ALK: variants seen among roughly 807,000 people sequenced by gnomAD.
ALK encodes ALK receptor tyrosine kinase, also known as ALK tyrosine kinase receptor.
A neutral mutation model predicts 163.1 loss-of-function variants in ALK; 74 were observed. The ratio of observed to expected loss-of-function variants is 0.45; its 90% confidence interval spans 0.38 to 0.55. The LOEUF (loss-of-function observed/expected upper bound fraction) is 0.55, where lower values mean the gene tolerates loss of function less well. Ranked by LOEUF, ALK falls within the 20% of genes least tolerant of loss-of-function variation. The pLI is 0.00. For missense variants in ALK, 2,063 were observed against 2,105.3 expected (o/e 0.98, Z 0.39); for synonymous variants, 960 against 843.2 (o/e 1.14, Z -2.40).
chr2:29,920,868 A>C lies in ALK; in HGVS notation c.-209T>G. ...CTAAATGAAACAGACCTGGAAGCTC[A>C]GGGGCGAGTCCAGAGACACTCAAGC... is the stretch of plus-strand genomic sequence containing the variant. On this transcript the variant is annotated 5_prime_UTR_variant, in exon 1 of 29. Transcript: ENST00000389048. 1 of 590,592 alleles carries C rather than the reference A, an allele frequency of 1.7e-6. No homozygotes were observed. Among genetic ancestry groups the C allele is most frequent in the Middle Eastern group, 4.6e-4 (1 of 2,196 alleles). 36.6% of individuals were successfully genotyped at this position (590,592 alleles called of 1,614,324 possible).
chr2:29,551,999 C>T (rs4665468), intron 3 of ALK, among the ~76,000 whole-genome samples: 126,797 of 151,624 alleles, frequency 0.84, 53,430 homozygotes, highest in Non-Finnish European at 0.9. Context: ...TCTGTACTCA[C>T]TTAACAATAA....
At chr2:29,514,604 A>G (rs1000344182) in intron 4 of ALK, among the ~76,000 whole-genome samples, 2 of 152,154 alleles carry the variant, frequency 1.3e-5, no homozygotes, top group Admixed American at 1.3e-4. Flanking sequence ...TTGGATGTTT[A>G]TAAGTTTCAA....
chr2:29,364,731 G>T (rs2148288855), intron 5 of ALK, among the ~76,000 whole-genome samples: 3 of 152,268 alleles, frequency 2.0e-5, no homozygotes, highest in Middle Eastern at 6.8e-3. Flanking sequence ...GGGTGACGGA[G>T]CAATCCTTAC....
chr2:29,373,237 A>G (rs1047744984), intron 5 of ALK, among the ~76,000 whole-genome samples: 4 of 152,246 alleles, frequency 2.6e-5, no homozygotes, highest in Non-Finnish European at 5.9e-5. Flanking sequence ...AAATTCATTG[A>G]ACATTTTAAT....
intron 1 of ALK, among the ~76,000 whole-genome samples, chr2:29,804,141 G>A (rs1262668559): frequency 6.6e-6 from 1 of 152,194 alleles, no homozygotes; most frequent in Non-Finnish European, 1.5e-5. Context: ...GCCTATCTGT[G>A]AAGCCCGCAG....
chr2:29,422,403 T>C (rs1295852186), intron 4 of ALK, among the ~76,000 whole-genome samples: 1 of 151,138 alleles, frequency 6.6e-6, no homozygotes, highest in Non-Finnish European at 1.5e-5. Flanking sequence ...TGAAACCTCA[T>C]CCCTGATCCT....
rs768588824 is a variant in ALK at position 29,695,013 on chromosome 2, AC to A, written c.788del (p.Gly263ValfsTer72). ...AGGGGAAGTCAAAGCTGCACTCCAG[AC>A]CTGCAATAATAGCCAAGGGTCAATG... ...FPFLSHRSRY[G>X]LECSFDFPCE... On this transcript the variant is annotated frameshift_variant and splice_region_variant, in exon 3 of 29. Coordinates refer to ENST00000389048, the MANE Select transcript of ALK (RefSeq NM_004304.5). LOFTEE classifies it high-confidence loss of function. 2 of 1,613,914 alleles carry A rather than the reference AC, an allele frequency of 1.2e-6. No homozygotes were observed. The highest frequency in any genetic ancestry group is 1.7e-6 in the Non-Finnish European group (2 of 1,179,978).
At position 29,720,251 on chromosome 2, in the gene ALK, C is replaced by T. The variant is rs1288658336; in HGVS notation, c.668-2554G>A. Among the ~76,000 whole-genome samples, 3 of 152,020 alleles carry T rather than the reference C, an allele frequency of 2.0e-5. No individual in the cohort carries two copies. In the East Asian group the frequency reaches 5.8e-4, roughly 29 times the overall value. On this transcript the variant is annotated intron_variant, in intron 1 of 28. Coordinates refer to ENST00000389048, the MANE Select transcript of ALK (RefSeq NM_004304.5). ...CTTTCAAAAGGAAGGGCTCTGAGGG[C>T]TGGGTCATGACCCAGCAAGGTAATA...
In ALK at chr2:29,920,502, C is replaced by G. The variant is rs754798392; in HGVS notation, c.158G>C (p.Ser53Thr). The G allele has an allele frequency of 6.2e-7, 1 of 1,613,052 alleles. No individual in the cohort carries two copies. The highest frequency in any genetic ancestry group is 8.5e-7 in the Non-Finnish European group (1 of 1,179,702). The change falls in exon 1 of 29, where the codon AGT becomes ACT. Residue 53 changes from serine (S) to threonine (T), a missense_variant. Ser to Thr is a moderately conservative substitution (Grantham distance 58). Around this residue, in one of 5 missense-constraint regions of ALK, gnomAD observed 987 missense variants for 939.5 expected, o/e 1.05. Coordinates refer to ENST00000389048, the MANE Select transcript of ALK (RefSeq NM_004304.5). ...PLSYSRLQRK[S>T]LAVDFVVPSL... ...GGGCACCACGAAGTCAACTGCCAGACTCTTCCTCTGCAGGCGCGAGTAGCT... is the reference window on the plus strand; with the variant it reads ...GGGCACCACGAAGTCAACTGCCAGAGTCTTCCTCTGCAGGCGCGAGTAGCT...
chr2:29,701,245 G>A (rs1292632650), intron 2 of ALK, among the ~76,000 whole-genome samples: 1 of 152,176 alleles, frequency 6.6e-6, no homozygotes, highest in Admixed American at 6.5e-5. Flanking sequence ...CCTTGAGCCT[G>A]TTAACCCAGA....
At chr2:29,660,443 C>A (rs75909293) in intron 3 of ALK, among the ~76,000 whole-genome samples, 1,899 of 152,250 alleles carry the variant, frequency 0.012, 47 homozygotes, top group African/African-American at 0.044. Flanking sequence ...GAGGAAATCA[C>A]TGGTGGGGAC....
intron 5 of ALK, among the ~76,000 whole-genome samples, chr2:29,338,040 G>A (rs1054600629): frequency 3.9e-5 from 6 of 152,112 alleles, no homozygotes; most frequent in African/African-American, 1.2e-4. Flanking sequence ...CTTATTATGG[G>A]CTAACTTCAG....
In ALK at chr2:29,583,018, A is replaced by G. The variant is rs566308548; in HGVS notation, c.953-50902T>C. ...GCTGGGACTACAGGCATGTGCCACC[A>G]TGCCTGGCTAACTTTTGTTTTTTGT... On this transcript the variant is annotated intron_variant, in intron 3 of 28. Transcript: ENST00000389048. 3.4e-5 allele frequency among the ~76,000 whole-genome samples: 5 copies of G among 148,266 alleles called. No homozygotes were observed. The South Asian group carries it at 1.1e-3, about 32-fold the overall frequency.
intron 5 of ALK, among the ~76,000 whole-genome samples, chr2:29,371,059 A>T (rs1452016355): frequency 6.6e-6 from 1 of 152,272 alleles, no homozygotes; most frequent in Non-Finnish European, 1.5e-5. Flanking sequence ...TGCTGATCAT[A>T]GAACTCCATA....
chr2:29,461,816 G>A (rs768517047), intron 4 of ALK, among the ~76,000 whole-genome samples: 18 of 152,048 alleles, frequency 1.2e-4, no homozygotes, highest in Middle Eastern at 3.4e-3. Flanking sequence ...AAATGCATTC[G>A]TTAGGCTGTA....
intron 3 of ALK, among the ~76,000 whole-genome samples, chr2:29,638,672 T>C (rs912564765): frequency 2.0e-5 from 3 of 152,152 alleles, no homozygotes; most frequent in East Asian, 3.9e-4. Flanking sequence ...ATCTCACCCA[T>C]GGAGTGGCCT....
intron 8 of ALK, among the ~76,000 whole-genome samples, chr2:29,298,383 C>T (rs1249141128): frequency 1.3e-5 from 2 of 152,150 alleles, no homozygotes; most frequent in Non-Finnish European, 2.9e-5. Flanking sequence ...TTGGAAATTT[C>T]AACTCTACCC....
chr2:29,314,723 C>A (rs912623511), intron 8 of ALK, among the ~76,000 whole-genome samples: 1 of 152,102 alleles, frequency 6.6e-6, no homozygotes, highest in African/African-American at 2.4e-5. Context: ...GCCCAGAAGG[C>A]CTGAGAACGT....
At chr2:29,860,199 C>T (rs1275694002) in intron 1 of ALK, among the ~76,000 whole-genome samples, 4 of 152,120 alleles carry the variant, frequency 2.6e-5, no homozygotes, top group Admixed American at 2.6e-4. Context: ...AACGATGGAA[C>T]TTCTGGTAGT....
Sources: gnomAD v4.1 joint callset for allele counts (sites outside exome capture counted in the v4.1 genomes callset) on GRCh38, gnomAD v4.1.1 for gene constraint, gnomAD v4.1.1 regional missense constraint, MANE v1.5 for transcripts, NCBI Gene and HGNC (gene_info 2026-07-23, HGNC 2026-07-21) for gene names.